Variants in PSD3 observed in about 807,000 individuals in gnomAD.
The protein encoded by PSD3 is PH and SEC7 domain-containing protein 3.
Under a neutral mutation model 105.5 loss-of-function variants are expected in PSD3, and 49 were observed. The observed-to-expected ratio is 0.46, with a 90% CI of 0.37 to 0.59. The LOEUF is 0.59. Among genes scored for constraint, PSD3 ranks in the 20% least tolerant of loss-of-function variants. PSD3 has a pLI of 0.00. For synonymous variants in PSD3, 557 were observed against 457.8 expected, an observed-to-expected ratio of 1.22 and a Z score of -2.77; for missense variants, 1,561 against 1,263.8, an observed-to-expected ratio of 1.24 and a Z score of -3.57.
intron 2 of PSD3, among the ~76,000 whole-genome samples, chr8:18,934,680 T>C (rs1384810891): frequency 6.6e-6 from 1 of 152,112 alleles, no homozygotes; most frequent in Non-Finnish European, 1.5e-5. Context: ...ATAATCCCAT[T>C]TTACAGATGA....
intron 1 of PSD3, among the ~76,000 whole-genome samples, chr8:18,981,789 T>A (rs1274494585): frequency 1.3e-5 from 2 of 151,970 alleles, no homozygotes; most frequent in Non-Finnish European, 2.9e-5. Flanking sequence ...ACTTTATTGC[T>A]AAAAAAAATA....
chr8:18,929,466 C>A (rs1821595862), intron 2 of PSD3, among the ~76,000 whole-genome samples: 1 of 152,086 alleles, frequency 6.6e-6, no homozygotes, highest in Non-Finnish European at 1.5e-5. Flanking sequence ...CATCCTAGCC[C>A]CCTCCCACCC....
rs528924471 is a variant in PSD3, at chr8:18,771,775, C to T, written c.2083-6237G>A. ...AGTTTACCATGTTAACAGTTTTAAG[C>T]ATTCAGTTCAGTACTGTTTCACATT... On this transcript the variant is annotated intron_variant, in intron 8 of 15. Coordinates refer to ENST00000327040, the MANE Select transcript of PSD3 (RefSeq NM_015310.4). Among the ~76,000 whole-genome samples, 317 of 152,330 alleles carry T rather than the reference C, an allele frequency of 2.1e-3. 2 individuals are homozygous for T. Among genetic ancestry groups the T allele is most frequent in the African/African-American group, 6.8e-3 (281 of 41,586 alleles).
intron 15 of PSD3, among the ~76,000 whole-genome samples, chr8:18,543,662 A>G (rs182394163): frequency 2.6e-5 from 4 of 152,154 alleles, no homozygotes; most frequent in African/African-American, 7.2e-5. Context: ...CTTCCCAAAT[A>G]TGTAGGGAAA....
At position 18,623,441 on chromosome 8, in the gene PSD3, G is replaced by A. The variant is rs1446467332; in HGVS notation, c.2410+9172C>T. On this transcript the variant is annotated intron_variant, in intron 11 of 15. Coordinates refer to ENST00000327040, the MANE Select transcript of PSD3 (RefSeq NM_015310.4). The stretch of plus-strand genomic sequence containing the variant: ...AGTCTGGGCAATATAGTCAGCCCCC[G>A]TCTCCCCAAAAAAAAAAAAAAAAAA... Among the ~76,000 whole-genome samples, 9 of 83,530 alleles carry A rather than the reference G, an allele frequency of 1.1e-4. No individual in the cohort carries two copies. In the East Asian group the frequency reaches 2.4e-3, roughly 23 times the overall value. 54.8% of individuals were successfully genotyped at this position (83,530 alleles called of 152,430 possible).
chr8:18,747,405 A>C (rs1805116866), intron 9 of PSD3, among the ~76,000 whole-genome samples: 1 of 152,250 alleles, frequency 6.6e-6, no homozygotes, highest in African/African-American at 2.4e-5. Context: ...AGAAACCAGA[A>C]GTGGACATGA....
At chr8:18,882,998 G>A (rs1332180652) in intron 2 of PSD3, among the ~76,000 whole-genome samples, 1 of 152,018 alleles carries the variant, frequency 6.6e-6, no homozygotes. Context: ...ATTTGAAAGT[G>A]CTGCCCTAGA....
chr8:18,925,863 C>T (rs1489457649), intron 2 of PSD3, among the ~76,000 whole-genome samples: 1 of 152,128 alleles, frequency 6.6e-6, no homozygotes, highest in Admixed American at 6.5e-5. Context: ...TGTTTCTGCT[C>T]AACTCAAAAA....
chr8:18,780,298 G>A (rs527557432), intron 8 of PSD3, among the ~76,000 whole-genome samples: 10 of 152,034 alleles, frequency 6.6e-5, no homozygotes, highest in Non-Finnish European at 1.0e-4. Flanking sequence ...TTGAGTCTAC[G>A]TGTCTTTACC....
At chr8:18,583,937 A>T (rs950290283) in intron 12 of PSD3, among the ~76,000 whole-genome samples, 2 of 152,146 alleles carry the variant, frequency 1.3e-5, no homozygotes, top group African/African-American at 4.8e-5. Flanking sequence ...CTTGCTTCCT[A>T]GGTAAATTTA....
chr8:18,720,451 T>G (rs1476138993), intron 9 of PSD3, among the ~76,000 whole-genome samples: 1 of 152,100 alleles, frequency 6.6e-6, no homozygotes, highest in Non-Finnish European at 1.5e-5. Context: ...AAACCAGAGT[T>G]AAAAACAACA....
At chr8:18,756,475 C>A (rs992057890) in intron 9 of PSD3, among the ~76,000 whole-genome samples, 2 of 152,156 alleles carry the variant, frequency 1.3e-5, no homozygotes, top group Non-Finnish European at 2.9e-5. Flanking sequence ...GTATACACTT[C>A]TTTGTCTAAA....
At chr8:19,078,667 G>A (rs533500820) in intron 1 of PSD3, among the ~76,000 whole-genome samples, 2 of 151,870 alleles carry the variant, frequency 1.3e-5, no homozygotes, top group African/African-American at 2.4e-5. Context: ...ACCTACCTCT[G>A]TGCCCACCAT....
intron 1 of PSD3, among the ~76,000 whole-genome samples, chr8:19,005,323 A>T (rs1319080283): frequency 2.0e-5 from 3 of 152,070 alleles, no homozygotes; most frequent in Non-Finnish European, 4.4e-5. Flanking sequence ...AACATGAGGA[A>T]AAAGCCAGCT....
intron 1 of PSD3, among the ~76,000 whole-genome samples, chr8:18,998,010 ATTTT>A (rs987474489): frequency 2.6e-5 from 4 of 151,576 alleles, no homozygotes; most frequent in African/African-American, 9.7e-5. Flanking sequence ...TATTTTACTT[ATTTT>A]TTTGTCTGTT....
At chr8:19,076,829 C>G (rs1228460360) in intron 1 of PSD3, among the ~76,000 whole-genome samples, 4 of 149,590 alleles carry the variant, frequency 2.7e-5, no homozygotes, top group Non-Finnish European at 5.9e-5. Flanking sequence ...AGCTATACAG[C>G]TACTGGTGCG....
chr8:18,744,082 C>G lies in PSD3; in HGVS notation c.2172+21367G>C, dbSNP rs559687203. Among the ~76,000 whole-genome samples the G allele has an allele frequency of 4.0e-5, 6 of 151,604 alleles. No homozygotes were observed. In the East Asian group the frequency reaches 1.2e-3, roughly 30 times the overall value. ...CTAGATTCTCACATATGAATTTTAA[C>G]ATAAATGGTATCATTCCATACTTAA... On this transcript the variant is annotated intron_variant, in intron 9 of 15. Transcript: ENST00000327040.
intron 11 of PSD3, among the ~76,000 whole-genome samples, chr8:18,611,251 G>GAA (rs138669050): frequency 0.041 from 5,234 of 128,794 alleles, 276 homozygotes; most frequent in East Asian, 0.21. Context: ...TAGGATTTTG[G>GAA]AAAAAAAAAA....
chr8:18,745,661 C>T (rs1804952802), intron 9 of PSD3, among the ~76,000 whole-genome samples: 1 of 152,228 alleles, frequency 6.6e-6, no homozygotes, highest in Non-Finnish European at 1.5e-5. Flanking sequence ...AGCTACGCTG[C>T]TCATTGATAT....
Sources: allele counts gnomAD v4.1 joint callset (sites outside exome capture counted in the v4.1 genomes callset), GRCh38; gene constraint gnomAD v4.1.1; transcripts MANE v1.5; gene names NCBI Gene and HGNC (gene_info 2026-07-23, HGNC 2026-07-21).